The following SPACA1 variants were observed in gnomAD, a reference collection of about 807,000 sequenced individuals.
SPACA1 encodes the protein sperm acrosome associated 1.
A neutral mutation model predicts 32.6 loss-of-function variants in SPACA1; 17 were observed. The ratio of observed to expected loss-of-function variants is 0.52; its 90% CI spans 0.36 to 0.78. SPACA1 has a LOEUF of 0.78. Ranked by LOEUF, SPACA1 falls within the 30% of genes least tolerant of loss-of-function variation. The probability of loss-of-function intolerance (pLI) is 0.01; values close to 1 mark genes in which losing one functional copy is unlikely to be tolerated. For synonymous variants in SPACA1, 140 were observed against 138.1 expected, an observed-to-expected ratio of 1.01 and a Z score of -0.10; for missense variants, 363 against 373.4, an observed-to-expected ratio of 0.97 and a Z score of 0.23.
chr6:88,048,669 G>C (rs1260319899), intron 1 of SPACA1, among the ~76,000 whole-genome samples: 1 of 152,156 alleles, frequency 6.6e-6, no homozygotes, highest in Non-Finnish European at 1.5e-5. Context: ...GTGCGGCCTC[G>C]GACAAAGGAA....
chr6:88,061,432 G>A (rs954106196), intron 5 of SPACA1, among the ~76,000 whole-genome samples: 9 of 150,158 alleles, frequency 6.0e-5, no homozygotes, highest in African/African-American at 2.0e-4. Context: ...ATGCTTGTGC[G>A]CACACACACA....
At chr6:88,054,061 A>T in intron 2 of SPACA1, 59 bp downstream of exon 2, 1 of 1,506,388 alleles carries the variant, frequency 6.6e-7, no homozygotes, top group Non-Finnish European at 9.2e-7. Flanking sequence ...AGGAAAGGTA[A>T]AAGCAGATAG....
At chr6:88,058,495 C>T (rs1775843051) in intron 3 of SPACA1, among the ~76,000 whole-genome samples, 1 of 152,046 alleles carries the variant, frequency 6.6e-6, no homozygotes, top group South Asian at 2.1e-4. Flanking sequence ...TTTAATTAGC[C>T]AGGCACAGTG....
chr6:88,066,448 T>C lies in SPACA1; in HGVS notation c.*113T>C, dbSNP rs1240431863. 9.7e-7 allele frequency: 1 copy of C among 1,033,856 alleles called. No homozygotes were observed. Among genetic ancestry groups the C allele is most frequent in the Admixed American group, 3.0e-5 (1 of 33,358 alleles). The allele number at this position is 1,033,856 out of a possible 1,614,324, so 64.0% of individuals were successfully genotyped here. On this transcript the variant is annotated 3_prime_UTR_variant, in exon 7 of 7. Transcript: ENST00000237201. ...ATAATGTTGCGATGGATTGCCACAGTGTGAAGGAAATGCAGTGTGGGGATA... is the reference window on the plus strand; with the variant it reads ...ATAATGTTGCGATGGATTGCCACAGCGTGAAGGAAATGCAGTGTGGGGATA...
Position 88,061,432 on chromosome 6 carries a change from G to GCACA in SPACA1, c.610+1869_610+1872dup, listed in dbSNP as rs71554769. Among the ~76,000 whole-genome samples, 25 of 150,154 alleles carry GCACA rather than the reference G, an allele frequency of 1.7e-4. No individual in the cohort carries two copies. In the South Asian group the frequency reaches 2.8e-3, roughly 17 times the overall value. On this transcript the variant is annotated intron_variant, in intron 5 of 6. Transcript: ENST00000237201. ...GAGGAATATTTGGGCATGCTTGTGC[G>GCACA]CACACACACACACACACACACACAC...
intron 1 of SPACA1, 64 bp from the exon 2 acceptor site, chr6:88,053,882 G>GA: frequency 1.5e-6 from 2 of 1,348,880 alleles, no homozygotes. Flanking sequence ...CTCCAAGTAA[G>GA]AGGTGTTTCA....
At chr6:88,060,930 C>T (rs888285410) in intron 5 of SPACA1, among the ~76,000 whole-genome samples, 1 of 152,216 alleles carries the variant, frequency 6.6e-6, no homozygotes. Context: ...GTTAACTTCT[C>T]TCTCTCATAG....
chr6:88,048,082 G>T lies in SPACA1; in HGVS notation c.177G>T (p.Ala59=). Residue 59 remains alanine (A), a synonymous_variant, in exon 1 of 7, where the codon GCG becomes GCT. Coordinates refer to ENST00000237201, the MANE Select transcript of SPACA1 (RefSeq NM_030960.3). ...EETENNDSET[A]ENYAPPETED... is the part of the protein sequence containing the mutation. ...CCGAAAACAACGACAGCGAGACCGC[G>T]GAGAACTACGCTCCGCCTGAAACCG... 1 of 1,599,696 alleles carries T rather than the reference G, an allele frequency of 6.3e-7. No homozygotes were observed.
chr6:88,055,422 T>G (rs1236138778), intron 2 of SPACA1, among the ~76,000 whole-genome samples: 2 of 152,104 alleles, frequency 1.3e-5, no homozygotes, highest in Non-Finnish European at 2.9e-5. Context: ...CAGATGGTAA[T>G]AAGTTATAAG....
rs139413565 is a variant in SPACA1, at chr6:88,051,107, A to C, written c.209-2839A>C. 4.0e-3 allele frequency among the ~76,000 whole-genome samples: 615 copies of C among 152,132 alleles called. 4 individuals carry two copies. The highest frequency in any genetic ancestry group is 0.011 in the African/African-American group (441 of 41,516). On this transcript the variant is annotated intron_variant, in intron 1 of 6. Coordinates refer to ENST00000237201, the MANE Select transcript of SPACA1 (RefSeq NM_030960.3). ...GCTTGCAGTGAGCCGAGATTACGCC[A>C]CTGCACTCCAGCCTGGGCAACAGAG... is the stretch of plus-strand genomic sequence containing the variant.
upstream of SPACA1, among the ~76,000 whole-genome samples, chr6:88,047,570 G>A (rs753094149): frequency 1.4e-4 from 22 of 152,234 alleles, no homozygotes; most frequent in Non-Finnish European, 2.9e-4. Flanking sequence ...GGCAGAAGGA[G>A]CAGCCGACAG....
Position 88,054,058 on chromosome 6 carries a change from G to A in SPACA1, c.265+56G>A, listed in dbSNP as rs967440046. ...TGTTGTAATTTGCGGGGGAGGAAAGGTAAAAGCAGATAGTGTGCAACTTTG... is the reference window on the plus strand; with the variant it reads ...TGTTGTAATTTGCGGGGGAGGAAAGATAAAAGCAGATAGTGTGCAACTTTG... On this transcript the variant is annotated intron_variant, in intron 2 of 6. Transcript: ENST00000237201. 1.8e-5 allele frequency: 28 copies of A among 1,528,830 alleles called. No individual in the cohort carries two copies. In the East Asian group the frequency reaches 5.4e-4, roughly 30 times the overall value. 94.7% of individuals were successfully genotyped at this position (1,528,830 alleles called of 1,614,324 possible). A position where few individuals can be genotyped will look rare whatever the true frequency, so the allele number is the denominator to read the frequency against.
chr6:88,065,773 C>A (rs1775973630), intron 6 of SPACA1, among the ~76,000 whole-genome samples: 1 of 144,708 alleles, frequency 6.9e-6, no homozygotes, highest in Non-Finnish European at 1.5e-5. Flanking sequence ...AGTCATGTAA[C>A]CTTAGTGTAG....
chr6:88,048,162 G>T, intron 1 of SPACA1, 49 bp downstream of exon 1: 2 of 1,519,646 alleles, frequency 1.3e-6, no homozygotes, highest in Middle Eastern at 1.8e-4. Flanking sequence ...CCTGTTGACG[G>T]AGCAAAGGCC....
At chr6:88,064,804 A>G (rs555962040) in intron 6 of SPACA1, among the ~76,000 whole-genome samples, 4 of 148,470 alleles carry the variant, frequency 2.7e-5, no homozygotes, top group Non-Finnish European at 5.9e-5. Context: ...TAATGTATAT[A>G]CAATATACAT....
At chr6:88,055,290 T>G (rs965518279) in intron 2 of SPACA1, among the ~76,000 whole-genome samples, 1 of 152,182 alleles carries the variant, frequency 6.6e-6, no homozygotes, top group Non-Finnish European at 1.5e-5. Context: ...TTGCCTACTA[T>G]GTGCCAGGCA....
intron 2 of SPACA1, among the ~76,000 whole-genome samples, chr6:88,057,121 A>G (rs1775821536): frequency 1.3e-5 from 2 of 152,168 alleles, no homozygotes; most frequent in Admixed American, 1.3e-4. Flanking sequence ...GAATTTATGG[A>G]CTGTAAGAAG....
chr6:88,064,984 A>G lies in SPACA1; in HGVS notation c.731+765A>G, dbSNP rs920431308. 4.7e-5 allele frequency among the ~76,000 whole-genome samples: 7 copies of G among 148,390 alleles called. No individual in the cohort carries two copies. The Middle Eastern group carries it at 0.011, about 227-fold the overall frequency. ...CATATCTAAGAAGTGTCTTTTTATT[A>G]TTTTGTTTGTGATGCATATATATTA... On this transcript the variant is annotated intron_variant, in intron 6 of 6. Transcript: ENST00000237201.
upstream of SPACA1, among the ~76,000 whole-genome samples, chr6:88,047,083 C>A (rs866223020): frequency 1.3e-5 from 2 of 152,108 alleles, no homozygotes; most frequent in African/African-American, 4.8e-5. Flanking sequence ...ATAACAGAAT[C>A]AAAAAAGTCA....
Sources: allele counts gnomAD v4.1 joint callset (sites outside exome capture counted in the v4.1 genomes callset), GRCh38; gene constraint gnomAD v4.1.1; transcripts MANE v1.5; gene names NCBI Gene and HGNC (gene_info 2026-07-23, HGNC 2026-07-21).